The following TMTC2 variants were observed in gnomAD, a reference collection of about 807,000 sequenced individuals.
The protein encoded by TMTC2 is transmembrane O-mannosyltransferase targeting cadherins 2, also known as protein O-mannosyl-transferase TMTC2.
TMTC2 carries 43 observed loss-of-function variants against 82.4 expected under a neutral mutation model. That is an observed-to-expected ratio of 0.52 (90% CI 0.41 to 0.67). The LOEUF is 0.67. TMTC2 is among the 30% of genes least tolerant of loss of function. The probability of loss-of-function intolerance (pLI) is 0.00; values close to 1 mark genes in which losing one functional copy is unlikely to be tolerated. For synonymous variants in TMTC2, 408 were observed against 381.9 expected (o/e 1.07, Z -0.80); for missense variants, 919 against 1,012.4 (o/e 0.91, Z 1.25).
chr12:83,049,920 T>C (rs549972342), intron 9 of TMTC2, among the ~76,000 whole-genome samples: 9 of 152,360 alleles, frequency 5.9e-5, no homozygotes, highest in African/African-American at 1.7e-4. Flanking sequence ...TTAGGGATAT[T>C]GAGCATTTTT....
chr12:82,789,454 G>C (rs1878346323), intron 1 of TMTC2, among the ~76,000 whole-genome samples: 1 of 152,114 alleles, frequency 6.6e-6, no homozygotes, highest in African/African-American at 2.4e-5. Flanking sequence ...ATATTCCCGT[G>C]ATGAATTAGC....
At chr12:83,059,557 C>A (rs1038124139) in intron 10 of TMTC2, among the ~76,000 whole-genome samples, 6 of 151,564 alleles carry the variant, frequency 4.0e-5, no homozygotes, top group Admixed American at 2.6e-4. Context: ...TATAGTAAAT[C>A]CTAGTGGGGT....
intron 1 of TMTC2, among the ~76,000 whole-genome samples, chr12:82,819,650 TGC>T (rs1171106715): frequency 6.6e-6 from 1 of 151,886 alleles, no homozygotes; most frequent in East Asian, 1.9e-4. Context: ...TACAGGTGCC[TGC>T]CACCACACCC....
rs193134681 is a variant in TMTC2, at chr12:83,065,789, G to A, written c.2331+3958G>A. Among the ~76,000 whole-genome samples the A allele has an allele frequency of 5.3e-3, 803 of 152,014 alleles. 10 individuals carry two copies. The highest frequency in any genetic ancestry group is 0.018 in the African/African-American group (765 of 41,494). On this transcript the variant is annotated intron_variant, in intron 11 of 11. Coordinates refer to ENST00000321196, the MANE Select transcript of TMTC2 (RefSeq NM_152588.3). ...TAAATGAAACTGCTTTGTTCTTCCT[G>A]TGGGAATTAAGCCAAATTCTGCATT...
rs1869680329 is a variant in TMTC2, at chr12:82,830,328, G to C, written c.84-26682G>C. On this transcript the variant is annotated intron_variant, in intron 1 of 11. Coordinates refer to ENST00000321196, the MANE Select transcript of TMTC2 (RefSeq NM_152588.3). The stretch of plus-strand genomic sequence containing the variant: ...TAATTGATCCTCGAACAAATCCTTA[G>C]TCCTTCCTTAGCCCACTCTCGGTGT... Among the ~76,000 whole-genome samples the C allele has an allele frequency of 2.0e-5, 3 of 151,848 alleles. No homozygotes were observed. In the South Asian group the frequency reaches 6.2e-4, roughly 32 times the overall value.
chr12:82,935,825 G>A (rs748161780), intron 4 of TMTC2, among the ~76,000 whole-genome samples: 8 of 151,990 alleles, frequency 5.3e-5, no homozygotes, highest in Non-Finnish European at 1.0e-4. Flanking sequence ...TTGTCATTTT[G>A]TTCTGTGTTG....
At position 83,077,834 on chromosome 12, in the gene TMTC2, A is replaced by G. The variant is rs1883335255; in HGVS notation, c.2331+16003A>G. ...GTGATCCACCTACTTCGGCCTCCCA[A>G]AATGCTGGGATTACAGGTGTGAGCC... is the stretch of plus-strand genomic sequence containing the variant. On this transcript the variant is annotated intron_variant, in intron 11 of 11. Transcript: ENST00000321196. Among the ~76,000 whole-genome samples the G allele has an allele frequency of 2.0e-5, 3 of 149,282 alleles. No individual in the cohort carries two copies. The South Asian group carries it at 6.4e-4, about 32-fold the overall frequency.
At chr12:82,887,215 C>T (rs976104177) in intron 2 of TMTC2, among the ~76,000 whole-genome samples, 3 of 152,108 alleles carry the variant, frequency 2.0e-5, no homozygotes, top group South Asian at 2.1e-4. Flanking sequence ...TTACATTTTT[C>T]GTTCATTGAG....
At chr12:82,964,050 C>T (rs1401977800) in intron 4 of TMTC2, among the ~76,000 whole-genome samples, 2 of 151,430 alleles carry the variant, frequency 1.3e-5, no homozygotes, top group African/African-American at 2.4e-5. Context: ...CTTCTCTTTT[C>T]TCTGACCTCC....
intron 1 of TMTC2, among the ~76,000 whole-genome samples, chr12:82,697,111 C>T (rs1014108755): frequency 1.3e-5 from 2 of 151,316 alleles, no homozygotes; most frequent in Non-Finnish European, 2.9e-5. Context: ...TTTGGGAGGC[C>T]GAAGGAGGTG....
intron 1 of TMTC2, among the ~76,000 whole-genome samples, chr12:82,785,355 A>AG (rs1462363715): frequency 8.0e-6 from 1 of 125,410 alleles, no homozygotes; most frequent in African/African-American, 3.1e-5. Context: ...ATAAACAAAC[A>AG]ACCCCCCCCC....
chr12:83,090,368 A>G (rs1883801729), intron 11 of TMTC2, among the ~76,000 whole-genome samples: 1 of 152,206 alleles, frequency 6.6e-6, no homozygotes. Flanking sequence ...CATGCCCTTT[A>G]GAGAGAAAAC....
At chr12:82,772,598 C>T (rs529059602) in intron 1 of TMTC2, among the ~76,000 whole-genome samples, 17 of 152,238 alleles carry the variant, frequency 1.1e-4, no homozygotes, top group Admixed American at 1.3e-4. Flanking sequence ...TAGTCTGCAT[C>T]ACAGCAGCAG....
intron 3 of TMTC2, among the ~76,000 whole-genome samples, chr12:82,908,509 G>C (rs1874441786): frequency 6.6e-6 from 1 of 151,996 alleles, no homozygotes; most frequent in Admixed American, 6.6e-5. Flanking sequence ...TGTTGAACCT[G>C]TTTTGCATTC....
chr12:82,903,640 C>G (rs1289143332), intron 3 of TMTC2, among the ~76,000 whole-genome samples: 2 of 152,170 alleles, frequency 1.3e-5, no homozygotes, highest in African/African-American at 4.8e-5. Flanking sequence ...GTCTCGATCT[C>G]CTGACCTCGT....
intron 1 of TMTC2, among the ~76,000 whole-genome samples, chr12:82,689,165 C>T (rs770912610): frequency 6.6e-6 from 1 of 152,194 alleles, no homozygotes; most frequent in South Asian, 2.1e-4. Flanking sequence ...CTATTTCTAG[C>T]ATATTCGTGG....
At chr12:82,848,370 G>A (rs1209310652) in intron 1 of TMTC2, among the ~76,000 whole-genome samples, 2 of 152,006 alleles carry the variant, frequency 1.3e-5, no homozygotes, top group Non-Finnish European at 2.9e-5. Flanking sequence ...TTTCCTCCTG[G>A]AAACTTTTGA....
chr12:82,978,299 A>G (rs1204011410), intron 7 of TMTC2, among the ~76,000 whole-genome samples: 1 of 151,730 alleles, frequency 6.6e-6, no homozygotes, highest in Non-Finnish European at 1.5e-5. Flanking sequence ...GAACCTACAA[A>G]TGATTATCCA....
At chr12:83,033,868 GTATA>G (rs10536038) in intron 9 of TMTC2, among the ~76,000 whole-genome samples, 1 of 147,770 alleles carries the variant, frequency 6.8e-6, no homozygotes, top group South Asian at 2.1e-4. Flanking sequence ...ATGTGTATGT[GTATA>G]TATATATATG....
Sources: allele counts gnomAD v4.1 joint callset (sites outside exome capture counted in the v4.1 genomes callset), GRCh38; gene constraint gnomAD v4.1.1; transcripts MANE v1.5; gene names NCBI Gene and HGNC (gene_info 2026-07-23, HGNC 2026-07-21).